ZBTB20: variants seen among roughly 807,000 people sequenced by gnomAD.
ZBTB20 encodes zinc finger and BTB domain containing 20.
Under a neutral mutation model 56.9 loss-of-function variants are expected in ZBTB20, and 9 were observed. That is an observed-to-expected ratio of 0.16 (90% CI 0.10 to 0.28). The LOEUF (loss-of-function observed/expected upper bound fraction) is 0.28. Among genes scored for constraint, ZBTB20 ranks in the 10% least tolerant of loss-of-function variants. ZBTB20 has a pLI of 1.00. For synonymous variants in ZBTB20, 417 were observed against 420.7 expected, an observed-to-expected ratio of 0.99 and a Z score of 0.11; for missense variants, 655 against 1,003.0, an observed-to-expected ratio of 0.65 and a Z score of 4.69.
At chr3:114,495,452 T>TACAC (rs35156549) in intron 7 of ZBTB20, among the ~76,000 whole-genome samples, 1,944 of 149,106 alleles carry the variant, frequency 0.013, 29 homozygotes, top group African/African-American at 0.035. Context: ...AGTCTGTGTA[T>TACAC]ACACACACAC....
intron 3 of ZBTB20, among the ~76,000 whole-genome samples, chr3:114,914,591 A>G (rs1358255010): frequency 6.6e-6 from 1 of 151,944 alleles, no homozygotes; most frequent in African/African-American, 2.4e-5. Flanking sequence ...TATGACTTCT[A>G]GTTTTATGTT....
intron 3 of ZBTB20, among the ~76,000 whole-genome samples, chr3:114,939,039 C>G (rs934785023): frequency 2.1e-5 from 3 of 144,628 alleles, no homozygotes; most frequent in Non-Finnish European, 4.4e-5. Flanking sequence ...GGAAGCAGCC[C>G]CAAAGAAGGA....
intron 7 of ZBTB20, among the ~76,000 whole-genome samples, chr3:114,493,726 ATCT>A (rs1352699606): frequency 6.6e-6 from 1 of 152,132 alleles, no homozygotes; most frequent in Non-Finnish European, 1.5e-5. Flanking sequence ...ACTCAGTTAA[ATCT>A]TCTTCTTTTA....
At chr3:115,095,649 T>C (rs2083354237) in intron 1 of ZBTB20, among the ~76,000 whole-genome samples, 1 of 152,208 alleles carries the variant, frequency 6.6e-6, no homozygotes, top group Admixed American at 6.5e-5. Context: ...TAGTGGTTAC[T>C]ACATACATGA....
At chr3:114,911,677 T>C (rs569722883) in intron 3 of ZBTB20, among the ~76,000 whole-genome samples, 13 of 151,222 alleles carry the variant, frequency 8.6e-5, no homozygotes, top group South Asian at 2.1e-4. Context: ...AGAAAAAGAA[T>C]TGATGAACAT....
At chr3:114,662,880 T>G (rs2060820600) in intron 6 of ZBTB20, among the ~76,000 whole-genome samples, 1 of 152,142 alleles carries the variant, frequency 6.6e-6, no homozygotes, top group Non-Finnish European at 1.5e-5. Context: ...TCTTTTGCTG[T>G]GCAGAAGCTC....
Position 114,350,595 on chromosome 3 carries a change from T to C in ZBTB20, c.1483A>G (p.Ser495Gly). 2 of 1,614,194 alleles carry C rather than the reference T, an allele frequency of 1.2e-6. No individual in the cohort carries two copies. The highest frequency in any genetic ancestry group is 1.7e-6 in the Non-Finnish European group (2 of 1,180,024). ...SNLRMPLTLT[S>G]NTQVIGTAGN... The stretch of plus-strand genomic sequence containing the variant: ...GCTGTGCCAATGACCTGCGTGTTGC[T>C]GGTCAAGGTCAGAGGCATCCTCAGG... Residue 495 changes from serine (S) to glycine (G), a missense_variant, in exon 11 of 12, where the codon AGC (serine) becomes GGC (glycine). Ser to Gly is a moderately conservative substitution (Grantham distance 56). Coordinates refer to ENST00000675478, the MANE Select transcript of ZBTB20 (RefSeq NM_001348800.3).
At chr3:114,759,860 GC>G (rs1441855548) in intron 5 of ZBTB20, among the ~76,000 whole-genome samples, 1 of 152,018 alleles carries the variant, frequency 6.6e-6, no homozygotes, top group Non-Finnish European at 1.5e-5. Flanking sequence ...CAATCCATGG[GC>G]TTGAACAAAG....
intron 1 of ZBTB20, among the ~76,000 whole-genome samples, chr3:115,121,344 AT>A (rs1252123832): frequency 1.3e-5 from 2 of 152,008 alleles, no homozygotes; most frequent in African/African-American, 4.8e-5. Flanking sequence ...TGCCTTTCAA[AT>A]TTTACCTATT....
At chr3:114,389,323 C>G (rs2085537064) in intron 7 of ZBTB20, among the ~76,000 whole-genome samples, 2 of 152,102 alleles carry the variant, frequency 1.3e-5, no homozygotes, top group Non-Finnish European at 2.9e-5. Context: ...GCCTGTGCAG[C>G]CTGGGACATC....
intron 7 of ZBTB20, among the ~76,000 whole-genome samples, chr3:114,403,139 A>T (rs1016162408): frequency 9.9e-5 from 15 of 152,194 alleles, no homozygotes; most frequent in Non-Finnish European, 1.5e-4. Context: ...TTTTTAAATG[A>T]TTGATTATTT....
At position 114,315,724 on chromosome 3, in the gene ZBTB20, C is replaced by CA. The variant is rs1425897595; in HGVS notation, c.*23280_*23281insT. 11 of 101,624 alleles carry CA rather than the reference C, an allele frequency of 1.1e-4. No individual in the cohort carries two copies. In the East Asian group the frequency reaches 7.1e-3, roughly 66 times the overall value. 6.3% of individuals were successfully genotyped at this position (101,624 alleles called of 1,614,324 possible). On this transcript the variant is annotated 3_prime_UTR_variant, in exon 12 of 12. Transcript: ENST00000675478. ...TTCGAATCTTATCACAACACTGCGG[C>CA]GGGAAAATCAGGAAATGGGTTCACC...
chr3:114,883,995 G>T (rs2076505202), intron 4 of ZBTB20, among the ~76,000 whole-genome samples: 1 of 120,580 alleles, frequency 8.3e-6, no homozygotes, highest in African/African-American at 3.0e-5. Context: ...GCAGGATCTC[G>T]GCTCACTGCA....
At chr3:114,655,259 T>TTTTTTTC in intron 6 of ZBTB20, among the ~76,000 whole-genome samples, 1 of 140,890 alleles carries the variant, frequency 7.1e-6, no homozygotes, top group Non-Finnish European at 1.5e-5. Context: ...TTTTTTTTTT[T>TTTTTTTC]TTTTGAGACG....
chr3:114,512,572 T>C (rs191487038), intron 6 of ZBTB20, among the ~76,000 whole-genome samples: 3 of 152,278 alleles, frequency 2.0e-5, no homozygotes, highest in Admixed American at 2.0e-4. Context: ...GTAACATCCA[T>C]TAACCTTTCA....
chr3:114,933,377 C>T (rs2076425066), intron 3 of ZBTB20, among the ~76,000 whole-genome samples: 1 of 152,218 alleles, frequency 6.6e-6, no homozygotes, highest in East Asian at 1.9e-4. Context: ...ACATGCCTCA[C>T]AGTTATCCCA....
chr3:115,143,006 G>A (rs773439601), intron 1 of ZBTB20, among the ~76,000 whole-genome samples: 10 of 152,098 alleles, frequency 6.6e-5, no homozygotes, highest in Non-Finnish European at 1.5e-4. Flanking sequence ...CACCATGACA[G>A]ATGGGAAAAA....
intron 4 of ZBTB20, among the ~76,000 whole-genome samples, chr3:114,898,370 C>T (rs624610): frequency 0.98 from 149,594 of 152,222 alleles, 73,586 homozygotes; most frequent in East Asian, 1. Context: ...GTTTAAAGCA[C>T]ATTGCAAATA....
chr3:114,776,032 CTT>C (rs11324801), intron 5 of ZBTB20, among the ~76,000 whole-genome samples: 360 of 135,494 alleles, frequency 2.7e-3, no homozygotes, highest in Non-Finnish European at 3.2e-3. Context: ...AATTTTTTTT[CTT>C]TTTTTTTTTT....
Sources: allele counts gnomAD v4.1 joint callset (sites outside exome capture counted in the v4.1 genomes callset), GRCh38; gene constraint gnomAD v4.1.1; transcripts MANE v1.5; gene names NCBI Gene and HGNC (gene_info 2026-07-23, HGNC 2026-07-21).